The following ADAMTS12 variants were observed in gnomAD, a reference collection of about 807,000 sequenced individuals.
ADAMTS12 encodes the protein ADAM metallopeptidase with thrombospondin type 1 motif 12.
Under a neutral mutation model 167.8 loss-of-function variants are expected in ADAMTS12, and 118 were observed. The observed-to-expected ratio is 0.70, with a 90% CI of 0.61 to 0.82. The LOEUF (loss-of-function observed/expected upper bound fraction) is 0.82. ADAMTS12 is among the 40% of genes least tolerant of loss of function. ADAMTS12 has a pLI of 0.00. For missense variants in ADAMTS12, 1,916 were observed against 1,998.8 expected (o/e 0.96, Z 0.79); for synonymous variants, 704 against 716.9 (o/e 0.98, Z 0.29).
At chr5:33,627,623 C>T (rs1298634804) in intron 13 of ADAMTS12, among the ~76,000 whole-genome samples, 8 of 152,018 alleles carry the variant, frequency 5.3e-5, no homozygotes, top group African/African-American at 1.9e-4. Flanking sequence ...ATGGTTTTAG[C>T]ATCATTCCAA....
chr5:33,671,377 T>C (rs1389994906), intron 5 of ADAMTS12, among the ~76,000 whole-genome samples: 1 of 152,148 alleles, frequency 6.6e-6, no homozygotes, highest in East Asian at 1.9e-4. Context: ...ACATTCTGAG[T>C]TGTCATATTG....
At chr5:33,815,096 C>T (rs1347338083) in intron 2 of ADAMTS12, among the ~76,000 whole-genome samples, 15 of 152,066 alleles carry the variant, frequency 9.9e-5, no homozygotes, top group Non-Finnish European at 7.4e-5. Context: ...CAAGATGGTG[C>T]AATGAAGGGG....
In ADAMTS12 at chr5:33,649,746, A is replaced by G. The variant is rs1235635959; in HGVS notation, c.1191-49T>C. The G allele has an allele frequency of 1.9e-6, 3 of 1,599,554 alleles. No homozygotes were observed. In the Admixed American group the frequency reaches 5.1e-5, roughly 27 times the overall value. On this transcript the variant is annotated intron_variant, in intron 7 of 23. Coordinates refer to ENST00000504830, the MANE Select transcript of ADAMTS12 (RefSeq NM_030955.4). ...AGAAGAGCCAGCAGGCAGGCATTAA[A>G]CAGGAAGAAAAACCATAGTTTCCCT...
chr5:33,576,129 C>G lies in ADAMTS12; in HGVS notation c.3897G>C (p.Leu1299Phe). The change falls in exon 19 of 24, where the codon TTG becomes TTC. Residue 1299 changes from leucine to phenylalanine, a missense_variant. Coordinates refer to ENST00000504830, the MANE Select transcript of ADAMTS12 (RefSeq NM_030955.4). ...DATSLITEGFLLNASNYKQLT... is the reference protein window; with the variant it reads ...DATSLITEGFFLNASNYKQLT... ...GCTGCTTGTAATTGGAGGCATTTAG[C>G]AAAAAGCCCTCAGTAATCAGACTTG... 1 of 1,614,108 alleles carries G rather than the reference C, an allele frequency of 6.2e-7. No homozygotes were observed. The highest frequency in any genetic ancestry group is 2.2e-5 in the East Asian group (1 of 44,882).
At chr5:33,574,946 T>C (rs1335748781) in intron 19 of ADAMTS12, among the ~76,000 whole-genome samples, 2 of 152,332 alleles carry the variant, frequency 1.3e-5, no homozygotes, top group East Asian at 3.9e-4. Flanking sequence ...CTCTTTTGCA[T>C]TGTTACATTA....
intron 5 of ADAMTS12, among the ~76,000 whole-genome samples, chr5:33,666,518 GA>G (rs1741474912): frequency 3.2e-5 from 1 of 31,642 alleles, no homozygotes; most frequent in Non-Finnish European, 1.3e-4. Flanking sequence ...TATTGAGACA[GA>G]GTCTCACTCT....
rs187063191 is a variant in ADAMTS12 at position 33,891,758 on chromosome 5, G to A, written c.99C>T (p.Gly33=). Residue 33 remains glycine, a synonymous_variant, in exon 1 of 24, where the codon GGC becomes GGT. Transcript: ENST00000504830. ...ALCYGRQPQP[G]PVRFPDRRQE... is the part of the protein sequence containing the mutation. ...GCCTCCTGTCCGGGAAGCGAACCGG[G>A]CCTGGCTGAGGCTGTCTCCCATAGC... The A allele has an allele frequency of 9.3e-6, 15 of 1,614,230 alleles. No individual in the cohort carries two copies. The Admixed American group carries it at 2.0e-4, about 22-fold the overall frequency.
chr5:33,740,508 G>T (rs1744528234), intron 3 of ADAMTS12, among the ~76,000 whole-genome samples: 1 of 152,202 alleles, frequency 6.6e-6, no homozygotes, highest in Non-Finnish European at 1.5e-5. Context: ...TCTGCACAGG[G>T]ATGTGTGTGG....
At chr5:33,835,158 A>G (rs889419468) in intron 2 of ADAMTS12, among the ~76,000 whole-genome samples, 1 of 152,210 alleles carries the variant, frequency 6.6e-6, no homozygotes, top group African/African-American at 2.4e-5. Flanking sequence ...ATGCACAGCT[A>G]ATAAGTGGTC....
At chr5:33,584,349 T>C (rs1297055184) in intron 18 of ADAMTS12, among the ~76,000 whole-genome samples, 1 of 152,148 alleles carries the variant, frequency 6.6e-6, no homozygotes, top group Non-Finnish European at 1.5e-5. Flanking sequence ...TTTTTATAGA[T>C]GCAATGCATG....
intron 3 of ADAMTS12, 138 bp downstream of exon 3, chr5:33,751,266 T>C: frequency 9.4e-7 from 1 of 1,058,278 alleles, no homozygotes; most frequent in South Asian, 1.6e-5. Context: ...AGAAGAGATT[T>C]GAATGTCATG....
chr5:33,711,280 GCT>G (rs1214709150), intron 3 of ADAMTS12, among the ~76,000 whole-genome samples: 9 of 152,020 alleles, frequency 5.9e-5, no homozygotes. Context: ...GCTTTCCAAG[GCT>G]CTGTTACTTA....
chr5:33,879,444 G>A (rs1750346592), intron 2 of ADAMTS12, among the ~76,000 whole-genome samples: 1 of 152,150 alleles, frequency 6.6e-6, no homozygotes, highest in Admixed American at 6.5e-5. Flanking sequence ...TTCCAGGGTT[G>A]TCTCACAGGA....
intron 2 of ADAMTS12, among the ~76,000 whole-genome samples, chr5:33,811,545 G>C (rs1747460796): frequency 6.6e-6 from 1 of 152,180 alleles, no homozygotes; most frequent in Non-Finnish European, 1.5e-5. Flanking sequence ...GGGAGAGCAT[G>C]CTTACTGTGT....
At chr5:33,775,873 G>T (rs1316343750) in intron 2 of ADAMTS12, among the ~76,000 whole-genome samples, 1 of 152,202 alleles carries the variant, frequency 6.6e-6, no homozygotes, top group Non-Finnish European at 1.5e-5. Flanking sequence ...ATTCGGTAAT[G>T]AGGACAGAGC....
chr5:33,677,929 C>G (rs1169836766), intron 5 of ADAMTS12, among the ~76,000 whole-genome samples: 1 of 152,158 alleles, frequency 6.6e-6, no homozygotes, highest in Non-Finnish European at 1.5e-5. Flanking sequence ...CCATAGTGGT[C>G]TTTAGATGGT....
rs1177873636 is a variant in ADAMTS12 at position 33,871,727 on chromosome 5, G to A, written c.489+9392C>T. Among the ~76,000 whole-genome samples, 5 of 152,128 alleles carry A rather than the reference G, an allele frequency of 3.3e-5. No individual in the cohort carries two copies. The East Asian group carries it at 9.6e-4, about 29-fold the overall frequency. On this transcript the variant is annotated intron_variant, in intron 2 of 23. Transcript: ENST00000504830. ...GATCAATAAAATCAGTAAGCCTTGAGCTAGGCTAACTAAGAAAAAAAGAGA... is the reference window on the plus strand; with the variant it reads ...GATCAATAAAATCAGTAAGCCTTGAACTAGGCTAACTAAGAAAAAAAGAGA...
At chr5:33,686,930 T>TAGAG (rs1343802849) in intron 3 of ADAMTS12, among the ~76,000 whole-genome samples, 3 of 134,116 alleles carry the variant, frequency 2.2e-5, no homozygotes, top group Non-Finnish European at 4.6e-5. Context: ...TGAATATATA[T>TAGAG]ATATATAGAG....
At chr5:33,842,366 C>A (rs1748776185) in intron 2 of ADAMTS12, among the ~76,000 whole-genome samples, 1 of 152,144 alleles carries the variant, frequency 6.6e-6, no homozygotes, top group South Asian at 2.1e-4. Context: ...GGAACTATTA[C>A]AAATTATTCT....
Sources: allele counts gnomAD v4.1 joint callset (sites outside exome capture counted in the v4.1 genomes callset), GRCh38; gene constraint gnomAD v4.1.1; transcripts MANE v1.5; gene names NCBI Gene and HGNC (gene_info 2026-07-23, HGNC 2026-07-21).